Variants in ACACA observed in about 807,000 individuals in gnomAD.
The protein encoded by ACACA is acetyl-CoA carboxylase alpha, also known as acetyl-CoA carboxylase 1.
ACACA carries 103 observed loss-of-function variants against 296.1 expected under a neutral mutation model. The observed-to-expected ratio is 0.35, with a 90% CI of 0.30 to 0.41. The LOEUF is 0.41. Among genes scored for constraint, ACACA ranks in the 10% least tolerant of loss-of-function variants. The pLI is 1.00. For missense variants in ACACA, 1,554 were observed against 2,989.7 expected (o/e 0.52, Z 11.20); for synonymous variants, 953 against 1,038.6 (o/e 0.92, Z 1.58).
intron 41 of ACACA, among the ~76,000 whole-genome samples, chr17:37,163,447 C>G (rs185921418): frequency 1.7e-3 from 265 of 152,230 alleles, no homozygotes; most frequent in Middle Eastern, 3.4e-3. Flanking sequence ...CTCAGGTATT[C>G]CTTTATAGCA....
In ACACA at chr17:37,389,384, T is replaced by A. The variant is rs746372404; in HGVS notation, c.38+16878A>T. The A allele has an allele frequency of 3.8e-6, 6 of 1,559,788 alleles. No homozygotes were observed. The East Asian group carries it at 1.4e-4, about 37-fold the overall frequency. ...GAAGGAAAGTGTTCTCTGTGTGGTTTATGTCATTTGCTTAAAGAAGGTGGG... is the reference window on the plus strand; with the variant it reads ...GAAGGAAAGTGTTCTCTGTGTGGTTAATGTCATTTGCTTAAAGAAGGTGGG... On this transcript the variant is annotated intron_variant, in intron 1 of 55. Transcript: ENST00000616317.
intron 1 of ACACA, among the ~76,000 whole-genome samples, chr17:37,341,614 C>T (rs960299153): frequency 3.3e-5 from 5 of 150,786 alleles, no homozygotes; most frequent in African/African-American, 1.2e-4. Context: ...CGCTTGAACC[C>T]GAGAGGTGGA....
intron 24 of ACACA, among the ~76,000 whole-genome samples, chr17:37,236,397 T>A (rs2080112603): frequency 6.6e-6 from 1 of 151,712 alleles, no homozygotes. Flanking sequence ...ACTTTGGCAA[T>A]AGGACCAGGG....
chr17:37,325,651 G>A (rs1192929225), intron 3 of ACACA, among the ~76,000 whole-genome samples: 2 of 116,064 alleles, frequency 1.7e-5, no homozygotes, highest in South Asian at 3.1e-4. Flanking sequence ...TCGGCTCACC[G>A]CAACCTCTGC....
intron 30 of ACACA, 104 bp from the exon 31 acceptor site, chr17:37,207,904 T>C: frequency 7.1e-7 from 1 of 1,406,730 alleles, no homozygotes; most frequent in South Asian, 1.2e-5. Flanking sequence ...TGAAGTAGGG[T>C]CAGGTTGCAG....
At position 37,097,365 on chromosome 17, in the gene ACACA, T is replaced by G. The variant is rs2142720156; in HGVS notation, c.6721-199A>C. Among the ~76,000 whole-genome samples the G allele has an allele frequency of 6.6e-6, 1 of 152,316 alleles. No homozygotes were observed. The highest frequency in any genetic ancestry group is 1.5e-5 in the Non-Finnish European group (1 of 68,024). ...ACATGCCCTGCTGTCTGCAGCACTG[T>G]GCACAGCCATGGGCCTGGCTAATGC... On this transcript the variant is annotated intron_variant, in intron 53 of 55. Coordinates refer to ENST00000616317, the MANE Select transcript of ACACA (RefSeq NM_198834.3). The surrounding 1 kb of genome is among the most constrained non-coding windows in gnomAD (Gnocchi z 4.8).
intron 49 of ACACA, 93 bp from the exon 50 acceptor site, chr17:37,121,583 A>G (rs2074529172): frequency 7.9e-6 from 12 of 1,511,150 alleles, no homozygotes; most frequent in Non-Finnish European, 1.1e-5. Context: ...TTTAAAACTG[A>G]AAACTAAAAA....
intron 10 of ACACA, among the ~76,000 whole-genome samples, chr17:37,268,733 CTATCTATCTATATA>C (rs1239214194): frequency 1.4e-3 from 98 of 70,818 alleles, no homozygotes; most frequent in African/African-American, 5.9e-3. Flanking sequence ...ATCTATCTAT[CTATCTATCTATATA>C]TATATATATA....
At position 37,314,950 on chromosome 17, in the gene ACACA, C is replaced by CTTT. The variant is rs71284913; in HGVS notation, c.338+15220_338+15222dup. On this transcript the variant is annotated intron_variant, in intron 3 of 55. Coordinates refer to ENST00000616317, the MANE Select transcript of ACACA (RefSeq NM_198834.3). The stretch of plus-strand genomic sequence containing the variant: ...GAGCTACCGCACCCGGCCAGGAATG[C>CTTT]TTTTTTTTTTTTTTTTTTTTTTTTT... Among the ~76,000 whole-genome samples, 264 of 60,830 alleles carry CTTT rather than the reference C, an allele frequency of 4.3e-3. 1 individual carries two copies. Among genetic ancestry groups the CTTT allele is most frequent in the Middle Eastern group, 0.019 (1 of 52 alleles). The allele number at this position is 60,830 out of a possible 152,430, so 39.9% of individuals were successfully genotyped here. A position where few individuals can be genotyped will look rare whatever the true frequency, so the allele number is the denominator to read the frequency against.
At chr17:37,277,009 G>A (rs751569802) in intron 7 of ACACA, 24 bp downstream of exon 7, 27 of 1,596,686 alleles carry the variant, frequency 1.7e-5, no homozygotes, top group Middle Eastern at 3.3e-4. Context: ...ACAGAAAGAC[G>A]GACAATATGT....
chr17:37,088,329 T>C (rs1298224102), intron 55 of ACACA, among the ~76,000 whole-genome samples: 1 of 152,150 alleles, frequency 6.6e-6, no homozygotes, highest in Non-Finnish European at 1.5e-5. Context: ...CCTTAAGTAG[T>C]TCAGAAAGAG....
chr17:37,354,819 T>C (rs2049059959), intron 1 of ACACA, among the ~76,000 whole-genome samples: 1 of 152,072 alleles, frequency 6.6e-6, no homozygotes, highest in Admixed American at 6.6e-5. Context: ...CAGTCCCAGC[T>C]ACTCCAGAAG....
At chr17:37,330,142 T>TG in intron 3 of ACACA, 31 bp downstream of exon 3, 1 of 1,613,298 alleles carries the variant, frequency 6.2e-7, no homozygotes, top group South Asian at 1.1e-5. Context: ...CAAGACAGAT[T>TG]AAATAAGTAG....
At chr17:37,278,094 T>C in intron 5 of ACACA, 89 bp from the exon 6 acceptor site, 1 of 940,320 alleles carries the variant, frequency 1.1e-6, no homozygotes, top group Non-Finnish European at 1.7e-6. Flanking sequence ...GGTCAGGGAC[T>C]ATCATAAGTA....
At position 37,181,372 on chromosome 17, in the gene ACACA, A is replaced by G; in HGVS notation, c.4777-16T>C. 6.2e-7 allele frequency: 1 copy of G among 1,613,922 alleles called. No homozygotes were observed. ...GAAACATGATCTGCAGGAAAAAAAA[A>G]TGGCATGGGGAGTTAAGAGACAGAA... is the stretch of plus-strand genomic sequence containing the variant. On this transcript the variant is annotated splice_polypyrimidine_tract_variant and intron_variant, in intron 39 of 55. Transcript: ENST00000616317.
intron 1 of ACACA, among the ~76,000 whole-genome samples, chr17:37,363,178 T>G (rs12948635): frequency 1.5e-5 from 2 of 132,902 alleles, no homozygotes; most frequent in Non-Finnish European, 1.5e-5. Context: ...TTTCTCTTTT[T>G]CTTTTTTTTT....
intron 42 of ACACA, among the ~76,000 whole-genome samples, chr17:37,161,320 A>C (rs2144419794): frequency 6.6e-6 from 1 of 152,182 alleles, no homozygotes; most frequent in East Asian, 1.9e-4. Context: ...GGTTCAAAAG[A>C]AAGACAGAAA....
intron 49 of ACACA, among the ~76,000 whole-genome samples, chr17:37,122,042 C>T (rs982847923): frequency 9.2e-5 from 14 of 152,044 alleles, no homozygotes; most frequent in African/African-American, 2.9e-4. Flanking sequence ...GAGGCTGAGG[C>T]GGGAGGATCC....
intron 10 of ACACA, among the ~76,000 whole-genome samples, chr17:37,269,863 G>A (rs1387600207): frequency 6.6e-6 from 1 of 152,046 alleles, no homozygotes; most frequent in East Asian, 1.9e-4. Context: ...GGGAAGCTAG[G>A]AGAGTGAAAA....
Sources: gnomAD v4.1 joint callset for allele counts (sites outside exome capture counted in the v4.1 genomes callset) on GRCh38, gnomAD v4.1.1 for gene constraint, Gnocchi (gnomAD v3.1) non-coding constraint, MANE v1.5 for transcripts, NCBI Gene and HGNC (gene_info 2026-07-23, HGNC 2026-07-21) for gene names.